Variants in ZBTB16 observed in about 807,000 individuals in gnomAD.
ZBTB16 encodes zinc finger and BTB domain-containing protein 16.
A neutral mutation model predicts 56.8 loss-of-function variants in ZBTB16; 8 were observed. That is an observed-to-expected ratio of 0.14 (90% CI 0.08 to 0.25). The LOEUF is 0.25. ZBTB16 is among the 10% of genes least tolerant of loss of function. The pLI is 1.00. For missense variants in ZBTB16, 625 were observed against 903.0 expected (o/e 0.69, Z 3.95); for synonymous variants, 363 against 368.5 (o/e 0.98, Z 0.17).
intron 4 of ZBTB16, among the ~76,000 whole-genome samples, chr11:114,217,696 CGT>C (rs1295461155): frequency 6.6e-6 from 1 of 152,080 alleles, no homozygotes; most frequent in Non-Finnish European, 1.5e-5. Flanking sequence ...TCACTGAGAC[CGT>C]GAGAGTAGAG....
At chr11:114,129,947 ATGTATCT>A (rs1300301989) in intron 2 of ZBTB16, among the ~76,000 whole-genome samples, 3 of 152,256 alleles carry the variant, frequency 2.0e-5, no homozygotes, top group Non-Finnish European at 4.4e-5. Flanking sequence ...GCATTGCCAC[ATGTATCT>A]TGATAAAATA....
chr11:114,168,440 GAC>G (rs538348760), intron 3 of ZBTB16, among the ~76,000 whole-genome samples: 48 of 152,312 alleles, frequency 3.2e-4, no homozygotes, highest in African/African-American at 1.1e-3. Context: ...AGGAGAGAAA[GAC>G]ATTTATTGAA....
intron 2 of ZBTB16, among the ~76,000 whole-genome samples, chr11:114,115,838 A>C (rs1456317397): frequency 6.6e-6 from 1 of 151,958 alleles, no homozygotes; most frequent in Non-Finnish European, 1.5e-5. Flanking sequence ...CGCTGCCCCT[A>C]CCCTGCAGTA....
intron 4 of ZBTB16, among the ~76,000 whole-genome samples, chr11:114,240,785 G>C (rs1944686480): frequency 6.6e-6 from 1 of 152,278 alleles, no homozygotes; most frequent in East Asian, 1.9e-4. Context: ...CTGTATGTGT[G>C]GGGTACTTTG....
At chr11:114,120,707 A>G (rs1335752035) in intron 2 of ZBTB16, among the ~76,000 whole-genome samples, 2 of 152,190 alleles carry the variant, frequency 1.3e-5, no homozygotes, top group Admixed American at 1.3e-4. Flanking sequence ...AGCTGAATAC[A>G]GGGTCTAAAG....
At chr11:114,072,100 A>G (rs1939368341) in intron 2 of ZBTB16, among the ~76,000 whole-genome samples, 1 of 152,258 alleles carries the variant, frequency 6.6e-6, no homozygotes, top group South Asian at 2.1e-4. Flanking sequence ...TGTGTGAAGT[A>G]GGTCATGCTA....
At chr11:114,179,268 A>AAGAGAGAGAGCT (rs1943189390) in intron 3 of ZBTB16, among the ~76,000 whole-genome samples, 2 of 114,968 alleles carry the variant, frequency 1.7e-5, no homozygotes, top group South Asian at 5.2e-4. Flanking sequence ...GAGAAAGAGC[A>AAGAGAGAGAGCT]AGAGAGAGAG....
chr11:114,245,247 C>T (rs1280213022), intron 5 of ZBTB16, among the ~76,000 whole-genome samples: 1 of 152,232 alleles, frequency 6.6e-6, no homozygotes, highest in Non-Finnish European at 1.5e-5. Flanking sequence ...AACTGAGAAC[C>T]CTGGGCCTTG....
chr11:114,209,912 A>G, intron 4 of ZBTB16: 1 of 985,436 alleles, frequency 1.0e-6, no homozygotes, highest in Non-Finnish European at 1.2e-6. Context: ...TGTCTGCTAC[A>G]GTCTCAGGAA....
At chr11:114,199,147 T>C (rs530146657) in intron 4 of ZBTB16, among the ~76,000 whole-genome samples, 45 of 152,328 alleles carry the variant, frequency 3.0e-4, no homozygotes, top group Middle Eastern at 3.4e-3. Flanking sequence ...GGGACCGGGA[T>C]GCCAGACACG....
chr11:114,208,322 G>T (rs149263234), intron 4 of ZBTB16, among the ~76,000 whole-genome samples: 1 of 152,200 alleles, frequency 6.6e-6, no homozygotes, highest in Non-Finnish European at 1.5e-5. Flanking sequence ...CAGGAATGAA[G>T]AATCTGTTCT....
chr11:114,111,059 A>G (rs1347895145), intron 2 of ZBTB16, among the ~76,000 whole-genome samples: 1 of 152,168 alleles, frequency 6.6e-6, no homozygotes, highest in Non-Finnish European at 1.5e-5. Context: ...ATCTTTAAGG[A>G]AGGTCACAAA....
intron 2 of ZBTB16, among the ~76,000 whole-genome samples, chr11:114,126,941 T>C (rs1941524849): frequency 6.6e-6 from 1 of 152,184 alleles, no homozygotes. Context: ...TTGGGTGTAA[T>C]AGTCTCTTCT....
At chr11:114,149,623 G>A (rs1215938787) in intron 2 of ZBTB16, among the ~76,000 whole-genome samples, 2 of 152,112 alleles carry the variant, frequency 1.3e-5, no homozygotes, top group Non-Finnish European at 2.9e-5. Flanking sequence ...AAAAGCATTC[G>A]GTAATGTTTA....
intron 2 of ZBTB16, among the ~76,000 whole-genome samples, chr11:114,101,588 T>C (rs1011904201): frequency 2.0e-5 from 3 of 152,254 alleles, no homozygotes; most frequent in African/African-American, 7.2e-5. Context: ...GATGGACAGC[T>C]TGGCCACTTT....
chr11:114,126,084 A>G (rs1941501104), intron 2 of ZBTB16, among the ~76,000 whole-genome samples: 1 of 152,098 alleles, frequency 6.6e-6, no homozygotes, highest in Non-Finnish European at 1.5e-5. Flanking sequence ...GTGTCCTCCT[A>G]GATGGAAAGG....
chr11:114,127,812 G>A (rs950534996), intron 2 of ZBTB16, among the ~76,000 whole-genome samples: 1 of 152,178 alleles, frequency 6.6e-6, no homozygotes. Context: ...GATGCCATAT[G>A]TGCTTCCTCC....
chr11:114,107,139 C>G (rs1470179752), intron 2 of ZBTB16, among the ~76,000 whole-genome samples: 1 of 152,100 alleles, frequency 6.6e-6, no homozygotes, highest in East Asian at 1.9e-4. Flanking sequence ...CTCTGATTTT[C>G]TAGGTGAGAT....
intron 4 of ZBTB16, among the ~76,000 whole-genome samples, chr11:114,210,367 A>G (rs1287184973): frequency 6.6e-6 from 1 of 152,170 alleles, no homozygotes; most frequent in Non-Finnish European, 1.5e-5. Context: ...TTAATAATAA[A>G]TAACTCTAAC....
Sources: allele counts gnomAD v4.1 joint callset (sites outside exome capture counted in the v4.1 genomes callset), GRCh38; gene constraint gnomAD v4.1.1; transcripts MANE v1.5; gene names NCBI Gene and HGNC (gene_info 2026-07-23, HGNC 2026-07-21).